GALNT2: variants seen among roughly 807,000 people sequenced by gnomAD.
GALNT2 encodes the protein polypeptide N-acetylgalactosaminyltransferase 2.
Under a neutral mutation model 81.4 loss-of-function variants are expected in GALNT2, and 31 were observed. The observed-to-expected ratio is 0.38, with a 90% CI of 0.29 to 0.51. The LOEUF (loss-of-function observed/expected upper bound fraction) is 0.51, where lower values mean the gene tolerates loss of function less well. Ranked by LOEUF, GALNT2 falls within the 20% of genes least tolerant of loss-of-function variation. GALNT2 has a pLI of 0.87. For missense variants in GALNT2, 629 were observed against 765.7 expected, an observed-to-expected ratio of 0.82 and a Z score of 2.11; for synonymous variants, 303 against 287.4, an observed-to-expected ratio of 1.05 and a Z score of -0.55.
chr1:230,059,949 G>A (rs897935460), intron 1 of GALNT2, among the ~76,000 whole-genome samples: 1 of 152,058 alleles, frequency 6.6e-6, no homozygotes, highest in Non-Finnish European at 1.5e-5. Context: ...CAGAAAATTG[G>A]ACATTATACT....
At position 230,265,321 on chromosome 1, in the gene GALNT2, A is replaced by G. The variant is rs1666002506; in HGVS notation, c.1394A>G (p.Asp465Gly). Residue 465 changes from aspartate to glycine, a missense_variant, in exon 14 of 16, where the codon GAT becomes GGT. This residue lies in a region of GALNT2 where 207 missense variants were observed against 225.5 expected (regional missense o/e 0.92). Coordinates refer to ENST00000366672, the MANE Select transcript of GALNT2 (RefSeq NM_004481.5). ...CTCGACACTTTGGGACACTTTGCTG[A>G]TGGTGTGGTTGGAGTTTATGAATGT... ...NCLDTLGHFA[D>G]GVVGVYECHN... 1.2e-6 allele frequency: 2 copies of G among 1,614,208 alleles called. No homozygotes were observed. The highest frequency in any genetic ancestry group is 1.7e-6 in the Non-Finnish European group (2 of 1,180,048).
In GALNT2 at chr1:230,077,399, A is replaced by G. The variant is rs539654680; in HGVS notation, c.126+9993A>G. Among the ~76,000 whole-genome samples the G allele has an allele frequency of 4.1e-4, 63 of 152,272 alleles. No individual in the cohort carries two copies. In the South Asian group the frequency reaches 7.0e-3, roughly 17 times the overall value. ...TGTCTGGAATACAACTTTTTCATCA[A>G]TTCCGAGAGGCCATTATTTGTCAAA... On this transcript the variant is annotated intron_variant, in intron 1 of 15. Transcript: ENST00000366672.
chr1:230,059,616 T>G (rs1658996125), intron 1 of GALNT2, among the ~76,000 whole-genome samples: 1 of 152,234 alleles, frequency 6.6e-6, no homozygotes, highest in Non-Finnish European at 1.5e-5. Context: ...TTTAGGTTTC[T>G]GCCTTTTATC....
intron 1 of GALNT2, among the ~76,000 whole-genome samples, chr1:230,098,963 T>C (rs1002711133): frequency 6.6e-6 from 1 of 152,180 alleles, no homozygotes; most frequent in Non-Finnish European, 1.5e-5. Context: ...GGTTGAGCTG[T>C]GCATTGAGCG....
At chr1:230,161,250 G>A (rs1035075600) in intron 1 of GALNT2, among the ~76,000 whole-genome samples, 1 of 152,292 alleles carries the variant, frequency 6.6e-6, no homozygotes, top group Non-Finnish European at 1.5e-5. Flanking sequence ...TATAGTATTT[G>A]CTAGCTATTG....
chr1:230,224,805 G>A (rs1664656814), intron 3 of GALNT2, among the ~76,000 whole-genome samples: 1 of 152,264 alleles, frequency 6.6e-6, no homozygotes, highest in African/African-American at 2.4e-5. Context: ...TTCAAAGGGA[G>A]TACAGTAAAT....
intron 1 of GALNT2, among the ~76,000 whole-genome samples, chr1:230,176,487 G>A (rs1662983268): frequency 6.6e-6 from 1 of 152,140 alleles, no homozygotes; most frequent in African/African-American, 2.4e-5. Context: ...TGGGGTGGGG[G>A]TTGAGAGGTG....
intron 3 of GALNT2, among the ~76,000 whole-genome samples, chr1:230,230,493 C>T (rs527243115): frequency 1.1e-4 from 17 of 152,206 alleles, no homozygotes; most frequent in African/African-American, 2.9e-4. Context: ...ACCAGCATTT[C>T]GGAGCCCCAT....
rs1484358110 is a variant in GALNT2 at position 230,178,235 on chromosome 1, T to C, written c.144T>C (p.Ile48=). ...GAGRKEDWNE[I]DPIKKKDLHH... ...TCCCCTAGGAGGACTGGAATGAAATTGACCCCATTAAAAAGAAAGACCTTC... is the reference window on the plus strand; with the variant it reads ...TCCCCTAGGAGGACTGGAATGAAATCGACCCCATTAAAAAGAAAGACCTTC... The change falls in exon 2 of 16, where the codon ATT becomes ATC. Residue 48 remains isoleucine, a synonymous_variant. Transcript: ENST00000366672. 2 of 1,613,846 alleles carry C rather than the reference T, an allele frequency of 1.2e-6. No individual in the cohort carries two copies. The highest frequency in any genetic ancestry group is 1.3e-5 in the African/African-American group (1 of 74,932).
intron 1 of GALNT2, among the ~76,000 whole-genome samples, chr1:230,084,905 A>G (rs1236712835): frequency 6.6e-6 from 1 of 152,172 alleles, no homozygotes; most frequent in African/African-American, 2.4e-5. Flanking sequence ...AGGGGAGACA[A>G]GAATGTCTGC....
In GALNT2 at chr1:230,228,177, A is replaced by G. The variant is rs1257323462; in HGVS notation, c.375-7837A>G. 2.6e-5 allele frequency among the ~76,000 whole-genome samples: 4 copies of G among 152,236 alleles called. No homozygotes were observed. The East Asian group carries it at 7.7e-4, about 29-fold the overall frequency. The stretch of plus-strand genomic sequence containing the variant: ...ACTTTCATGGAGAAAATTGTAAAAC[A>G]TAACTGAAGGATATTTTAAAATATC... On this transcript the variant is annotated intron_variant, in intron 3 of 15. Transcript: ENST00000366672.
intron 1 of GALNT2, among the ~76,000 whole-genome samples, chr1:230,102,379 A>G (rs536664168): frequency 9.2e-5 from 14 of 152,284 alleles, no homozygotes; most frequent in African/African-American, 3.4e-4. Flanking sequence ...TGAGACAGCA[A>G]TGGCAGCATC....
intron 1 of GALNT2, among the ~76,000 whole-genome samples, chr1:230,068,346 G>C (rs974910169): frequency 4.7e-4 from 71 of 152,256 alleles, no homozygotes; most frequent in African/African-American, 1.7e-3. Context: ...GCGCCGGCCG[G>C]GAGAGCAGGG....
At chr1:230,088,878 C>T (rs1410400645) in intron 1 of GALNT2, among the ~76,000 whole-genome samples, 1 of 152,066 alleles carries the variant, frequency 6.6e-6, no homozygotes, top group African/African-American at 2.4e-5. Flanking sequence ...AAATGGAAAC[C>T]CTATGCCCAT....
At chr1:230,220,901 T>A (rs1471763399) in intron 3 of GALNT2, among the ~76,000 whole-genome samples, 1 of 152,212 alleles carries the variant, frequency 6.6e-6, no homozygotes, top group African/African-American at 2.4e-5. Flanking sequence ...GTCTACGCAG[T>A]GGGCTGTTAG....
chr1:230,178,306 C>T lies in GALNT2; in HGVS notation c.215C>T (p.Pro72Leu), dbSNP rs1170033446. The T allele has an allele frequency of 6.8e-6, 11 of 1,612,928 alleles. No individual in the cohort carries two copies. Among genetic ancestry groups the T allele is most frequent in the African/African-American group, 2.7e-5 (2 of 74,894 alleles). The part of the protein sequence containing the change: ...EEKAQSMETL[P>L]PGKVRWPDFN... ...AAAGCACAAAGCATGGAGACCCTCC[C>T]TCCAGGTACTGCCAGGGGCCAGGAA... Residue 72 changes from proline (P) to leucine (L), a missense_variant, in exon 2 of 16, where the codon CCT becomes CTT. Physicochemically the swap from Pro to Leu is moderately conservative, Grantham distance 98. Transcript: ENST00000366672.
rs1659343124 is a variant in GALNT2 at position 230,070,598 on chromosome 1, A to G, written c.126+3192A>G. Reference sequence around the variant, plus strand: ...CCCTGGGAGCCTGTCCACTTTGCACAGTAGCATCACCCTTATTCCCTGAGC... The same window carrying G: ...CCCTGGGAGCCTGTCCACTTTGCACGGTAGCATCACCCTTATTCCCTGAGC... On this transcript the variant is annotated intron_variant, in intron 1 of 15. Transcript: ENST00000366672. This position sits in a 1 kb window ranked among gnomAD's most constrained non-coding sequence, Gnocchi z 4.7. Among the ~76,000 whole-genome samples the G allele has an allele frequency of 6.6e-6, 1 of 150,928 alleles. No individual in the cohort carries two copies. Among genetic ancestry groups the G allele is most frequent in the Non-Finnish European group, 1.5e-5 (1 of 67,694 alleles).
Position 230,274,539 on chromosome 1 carries a change from G to A in GALNT2, c.1535G>A (p.Gly512Asp). The change falls in exon 15 of 16, where the codon GGC becomes GAC. Residue 512 changes from glycine to aspartate, a missense_variant. Gly to Asp is a moderately conservative substitution (Grantham distance 94). Around this residue, in one of 3 missense-constraint regions of GALNT2, gnomAD observed 207 missense variants for 225.5 expected, o/e 0.92. Coordinates refer to ENST00000366672, the MANE Select transcript of GALNT2 (RefSeq NM_004481.5). The part of the protein sequence containing the change: ...RAPGSLIKLQ[G>D]CRENDSRQKW... ...CCGGGCTCTCTTATAAAGCTGCAGG[G>A]CTGCCGAGAAAATGACAGCAGACAG... 7 of 1,614,018 alleles carry A rather than the reference G, an allele frequency of 4.3e-6. No homozygotes were observed. The highest frequency in any genetic ancestry group is 1.7e-4 in the Middle Eastern group (1 of 6,054).
intron 1 of GALNT2, among the ~76,000 whole-genome samples, chr1:230,105,109 T>C (rs1268764746): frequency 6.6e-6 from 1 of 152,200 alleles, no homozygotes; most frequent in East Asian, 1.9e-4. Flanking sequence ...TGCTGTGCTG[T>C]TAGATCCATT....
Sources: allele counts gnomAD v4.1 joint callset (sites outside exome capture counted in the v4.1 genomes callset), GRCh38; gene constraint gnomAD v4.1.1; regional missense constraint gnomAD v4.1.1; non-coding constraint Gnocchi (gnomAD v3.1); transcripts MANE v1.5; gene names NCBI Gene and HGNC (gene_info 2026-07-23, HGNC 2026-07-21).